PDE4A: variants seen among roughly 807,000 people sequenced by gnomAD.
PDE4A encodes phosphodiesterase 4A, also known as 3',5'-cyclic-AMP phosphodiesterase 4A.
A neutral mutation model predicts 73.9 loss-of-function variants in PDE4A; 21 were observed. That is an observed-to-expected ratio of 0.28 (90% confidence interval 0.20 to 0.41). The LOEUF (loss-of-function observed/expected upper bound fraction) is 0.41. Ranked by LOEUF, PDE4A falls within the 10% of genes least tolerant of loss-of-function variation. PDE4A has a pLI of 1.00. For missense variants in PDE4A, 958 were observed against 1,211.4 expected, an observed-to-expected ratio of 0.79 and a Z score of 3.10; for synonymous variants, 463 against 505.4, an observed-to-expected ratio of 0.92 and a Z score of 1.13.
At chr19:10,454,701 G>T (rs1265696503) in intron 6 of PDE4A, 128 bp from the exon 7 acceptor site, 27 of 1,516,958 alleles carry the variant, frequency 1.8e-5, no homozygotes, top group Non-Finnish European at 2.4e-5. Context: ...TCTTATAGGG[G>T]CTCTGTTGGC....
At position 10,421,007 on chromosome 19, in the gene PDE4A, G is replaced by A; in HGVS notation, c.243G>A (p.Thr81=). The change falls in exon 1 of 15, where the codon ACG becomes ACA. Residue 81 remains threonine (T), a synonymous_variant. Transcript: ENST00000380702. ...CCAGCGACCGGCCCGGCCTGCGCAC[G>A]ACCCGCATGTCCTGGCCCTCGTCCT... is the stretch of plus-strand genomic sequence containing the variant. ...MDTSDRPGLR[T]TRMSWPSSFH... The A allele has an allele frequency of 6.6e-7, 1 of 1,513,558 alleles. No individual in the cohort carries two copies. Among genetic ancestry groups the A allele is most frequent in the Admixed American group, 2.1e-5 (1 of 48,248 alleles). The allele number at this position is 1,513,558 out of a possible 1,614,324, so 93.8% of individuals were successfully genotyped here. A position where few individuals can be genotyped will look rare whatever the true frequency, so the allele number is the denominator to read the frequency against.
chr19:10,436,271 T>A (rs537394281), intron 1 of PDE4A, among the ~76,000 whole-genome samples: 1 of 152,082 alleles, frequency 6.6e-6, no homozygotes, highest in Non-Finnish European at 1.5e-5. Flanking sequence ...AGGACTTATA[T>A]GTTGCCAGGC....
At position 10,467,401 on chromosome 19, in the gene PDE4A, T is replaced by C; in HGVS notation, c.2441T>C (p.Leu814Pro). 10 of 1,614,096 alleles carry C rather than the reference T, an allele frequency of 6.2e-6. No individual in the cohort carries two copies. The highest frequency in any genetic ancestry group is 8.5e-6 in the Non-Finnish European group (10 of 1,179,982). Residue 814 changes from leucine to proline, a missense_variant, in exon 15 of 15, where the codon CTG becomes CCG. Physicochemically the swap from Leu to Pro is moderately conservative, Grantham distance 98. Transcript: ENST00000380702. ...GTAAGCCACAGCAGCCCCTCTGCCC[T>C]GGCTCTTCAAAGCCCCCTTCTCCCT... Reference protein sequence around the residue: ...VAVSHSSPSALALQSPLLPAW... With the variant: ...VAVSHSSPSAPALQSPLLPAW...
chr19:10,419,818 C>A (rs143623416), upstream of PDE4A, among the ~76,000 whole-genome samples: 1 of 152,194 alleles, frequency 6.6e-6, no homozygotes, highest in East Asian at 1.9e-4. Flanking sequence ...AGTCCCCAGG[C>A]CACCTGAAAA....
intron 11 of PDE4A, 34 bp from the exon 12 acceptor site, chr19:10,461,492 T>G (rs1042753278): frequency 6.2e-7 from 1 of 1,608,712 alleles, no homozygotes; most frequent in African/African-American, 1.3e-5. Flanking sequence ...GCTGCACACG[T>G]GGGCCCTCCC....
rs146648039 is a variant in PDE4A, at chr19:10,452,780, G to A, written c.783+1839G>A. On this transcript the variant is annotated intron_variant, in intron 6 of 14. Transcript: ENST00000380702. ...AGTGGATGTGTGTTTCTGTCTCTGG[G>A]TGTGTCCATGGAGGGGATGGGTCCT... is the stretch of plus-strand genomic sequence containing the variant. Among the ~76,000 whole-genome samples the A allele has an allele frequency of 2.7e-3, 410 of 152,184 alleles. 2 individuals are homozygous for A. The highest frequency in any genetic ancestry group is 9.5e-3 in the African/African-American group (395 of 41,510).
At chr19:10,431,210 C>A in intron 1 of PDE4A, 1 of 663,794 alleles carries the variant, frequency 1.5e-6, no homozygotes, top group Non-Finnish European at 2.3e-6. Context: ...TAGCAGCGAT[C>A]AAAATCATCC....
chr19:10,432,493 C>G, intron 1 of PDE4A: 1 of 1,514,950 alleles, frequency 6.6e-7, no homozygotes, highest in Non-Finnish European at 8.8e-7. Context: ...GCACTGCCCC[C>G]CACGGGCCCC....
chr19:10,432,387 G>A (rs931213599), intron 1 of PDE4A: 3 of 1,347,876 alleles, frequency 2.2e-6, no homozygotes. Context: ...GCGCCACACC[G>A]CCCTGCCGCC....
intron 1 of PDE4A, chr19:10,427,623 C>G (rs1260823641): frequency 6.1e-6 from 6 of 984,946 alleles, no homozygotes; most frequent in Non-Finnish European, 6.0e-6. Context: ...AGCCTCATGG[C>G]TAAAATTCCT....
Position 10,467,744 on chromosome 19 carries a change from A to C in PDE4A, c.*123A>C. On this transcript the variant is annotated 3_prime_UTR_variant, in exon 15 of 15. Coordinates refer to ENST00000380702, the MANE Select transcript of PDE4A (RefSeq NM_001111307.2). Reference sequence around the variant, plus strand: ...TCCCTCCTGAGAAAAAAGAAAACGAAAAGTGGGGTTTTTTTCTGTTTTCTT... The same window carrying C: ...TCCCTCCTGAGAAAAAAGAAAACGACAAGTGGGGTTTTTTTCTGTTTTCTT... 3 of 710,132 alleles carry C rather than the reference A, an allele frequency of 4.2e-6. No individual in the cohort carries two copies. The highest frequency in any genetic ancestry group is 6.3e-6 in the Non-Finnish European group (3 of 473,126). The allele number at this position is 710,132 out of a possible 1,614,324, so 44.0% of individuals were successfully genotyped here.
At chr19:10,444,641 A>G (rs1412493106) in intron 1 of PDE4A, among the ~76,000 whole-genome samples, 2 of 151,722 alleles carry the variant, frequency 1.3e-5, no homozygotes, top group Non-Finnish European at 2.9e-5. Flanking sequence ...CAGCCTGTGC[A>G]AAGGCCCTGA....
chr19:10,416,824 C>T (rs1371300327), upstream of PDE4A: 1 of 1,528,616 alleles, frequency 6.5e-7, no homozygotes, highest in Admixed American at 2.0e-5. Context: ...GGTTCTAGGC[C>T]CGACCGGCAG....
Position 10,467,484 on chromosome 19 carries a change from A to G in PDE4A, c.2524A>G (p.Thr842Ala). 6.2e-7 allele frequency: 1 copy of G among 1,612,554 alleles called. No homozygotes were observed. Among genetic ancestry groups the G allele is most frequent in the Non-Finnish European group, 8.5e-7 (1 of 1,179,668 alleles). The change falls in exon 15 of 15, where the codon ACG becomes GCG. Residue 842 changes from threonine (T) to alanine (A), a missense_variant. Physicochemically the swap from Thr to Ala is moderately conservative, Grantham distance 58. Coordinates refer to ENST00000380702, the MANE Select transcript of PDE4A (RefSeq NM_001111307.2). ...CCCGGGCCTCCCGGGCCTCCCCTCC[A>G]CGGCGGCCGAGGTGGAGGCCCAACG... ...HAPGLPGLPS[T>A]AAEVEAQREH...
At chr19:10,461,149 TG>T (rs2043258206) in intron 11 of PDE4A, 46 bp downstream of exon 11, 1 of 1,590,246 alleles carries the variant, frequency 6.3e-7, no homozygotes, top group Non-Finnish European at 8.6e-7. Context: ...TTGGAGGCGG[TG>T]TTGGCCAGGC....
In PDE4A at chr19:10,463,780, C is replaced by T. The variant is rs199600693; in HGVS notation, c.1744-13C>T. 67 of 1,613,694 alleles carry T rather than the reference C, an allele frequency of 4.2e-5. No individual in the cohort carries two copies. The highest frequency in any genetic ancestry group is 5.3e-5 in the Non-Finnish European group (63 of 1,179,770). On this transcript the variant is annotated splice_polypyrimidine_tract_variant and intron_variant, in intron 13 of 14. Coordinates refer to ENST00000380702, the MANE Select transcript of PDE4A (RefSeq NM_001111307.2). ...AGCCTCTGAAGTTTCCCCTGTGCCC[C>T]AACCCCATGCAGGTCCTCCGGAACA...
rs58920826 is a variant in PDE4A, at chr19:10,443,544, CA to C, written c.321-2654del. ...TGGGTAAGAGAGTGAGACCCTGTCTCAAAAAAAAAAAAAAAAAAAATTAGCT... is the reference window on the plus strand; with the variant it reads ...TGGGTAAGAGAGTGAGACCCTGTCTCAAAAAAAAAAAAAAAAAAATTAGCT... On this transcript the variant is annotated intron_variant, in intron 1 of 14. Coordinates refer to ENST00000380702, the MANE Select transcript of PDE4A (RefSeq NM_001111307.2). Among the ~76,000 whole-genome samples, 1,093 of 120,922 alleles carry C rather than the reference CA, an allele frequency of 9.0e-3. 9 individuals carry two copies. Among genetic ancestry groups the C allele is most frequent in the African/African-American group, 0.014 (436 of 32,038 alleles). The allele number at this position is 120,922 out of a possible 152,430, so 79.3% of individuals were successfully genotyped here.
rs376626626 is a variant in PDE4A, at chr19:10,429,190, G to A, written c.320+8106G>A. On this transcript the variant is annotated intron_variant, in intron 1 of 14. Transcript: ENST00000380702. ...GGAAGGAAGAAATGAAGGAAGGAAG[G>A]AAGGAAAATAAGGAAAGGAAGGAGA... is the stretch of plus-strand genomic sequence containing the variant. Among the ~76,000 whole-genome samples the A allele has an allele frequency of 2.7e-5, 4 of 148,906 alleles. No homozygotes were observed. In the East Asian group the frequency reaches 5.9e-4, roughly 22 times the overall value.
intron 14 of PDE4A, 171 bp from the exon 15 acceptor site, chr19:10,466,716 A>G (rs1397033516): frequency 5.9e-6 from 3 of 508,876 alleles, no homozygotes; most frequent in Admixed American, 6.4e-5. Context: ...CTGGTCTCGA[A>G]CTCCTGACCT....
Sources: allele counts gnomAD v4.1 joint callset (sites outside exome capture counted in the v4.1 genomes callset), GRCh38; gene constraint gnomAD v4.1.1; transcripts MANE v1.5; gene names NCBI Gene and HGNC (gene_info 2026-07-23, HGNC 2026-07-21).